The following NAALADL2 variants were observed in gnomAD, a reference collection of about 807,000 sequenced individuals.
NAALADL2 encodes the protein inactive N-acetylated-alpha-linked acidic dipeptidase-like protein 2.
NAALADL2 carries 76 observed loss-of-function variants against 87.2 expected under a neutral mutation model. The observed-to-expected ratio is 0.87, with a 90% CI of 0.72 to 1.05. NAALADL2 has a LOEUF of 1.05. NAALADL2 is among the 50% of genes least tolerant of loss of function. The pLI is 0.00. For synonymous variants in NAALADL2, 354 were observed against 331.0 expected, an observed-to-expected ratio of 1.07 and a Z score of -0.75; for missense variants, 1,089 against 945.8, an observed-to-expected ratio of 1.15 and a Z score of -1.99.
At chr3:175,538,645 G>A (rs917951501) in intron 9 of NAALADL2, among the ~76,000 whole-genome samples, 1 of 151,988 alleles carries the variant, frequency 6.6e-6, no homozygotes, top group African/African-American at 2.4e-5. Context: ...TCATATTTTT[G>A]ATATAATTTC....
chr3:175,184,160 C>A (rs1736998546), intron 2 of NAALADL2, among the ~76,000 whole-genome samples: 1 of 152,026 alleles, frequency 6.6e-6, no homozygotes, highest in Non-Finnish European at 1.5e-5. Flanking sequence ...TGCTTGTGTG[C>A]CCCATTTCCT....
At chr3:174,441,620 A>AGCCTGCGCCAGG (rs1432774277) in intron 1 of NAALADL2, among the ~76,000 whole-genome samples, 11 of 152,178 alleles carry the variant, frequency 7.2e-5, no homozygotes. Context: ...CTGGGATCAG[A>AGCCTGCGCCAGG]GCCTGCGCTG....
chr3:175,702,916 G>GA (rs998556667), intron 11 of NAALADL2, among the ~76,000 whole-genome samples: 32 of 145,562 alleles, frequency 2.2e-4, no homozygotes, highest in Non-Finnish European at 2.4e-4. Context: ...TTGAGGAAAA[G>GA]AAAAAAAAAA....
intron 10 of NAALADL2, among the ~76,000 whole-genome samples, chr3:175,589,024 G>A (rs1368247382): frequency 2.0e-5 from 3 of 152,060 alleles, no homozygotes; most frequent in East Asian, 3.9e-4. Context: ...AATATTTTAG[G>A]CAAAGAAACA....
At chr3:175,070,474 C>T (rs1715427026) in intron 1 of NAALADL2, among the ~76,000 whole-genome samples, 1 of 151,974 alleles carries the variant, frequency 6.6e-6, no homozygotes. Context: ...GATAAGCCTT[C>T]CTAATCTTCT....
chr3:175,402,411 A>G (rs1472557155), intron 5 of NAALADL2, among the ~76,000 whole-genome samples: 1 of 151,884 alleles, frequency 6.6e-6, no homozygotes, highest in Non-Finnish European at 1.5e-5. Context: ...TCCTTTCTAA[A>G]ATTGCTTTTA....
intron 1 of NAALADL2, among the ~76,000 whole-genome samples, chr3:174,481,572 G>A (rs546274055): frequency 6.6e-5 from 10 of 152,188 alleles, no homozygotes; most frequent in African/African-American, 1.7e-4. Context: ...TGATGCCTGC[G>A]TTGGGGGCCC....
Position 175,556,315 on chromosome 3 carries a change from A to G in NAALADL2, c.1654-19726A>G, listed in dbSNP as rs1447966973. On this transcript the variant is annotated intron_variant, in intron 9 of 13. Coordinates refer to ENST00000454872, the MANE Select transcript of NAALADL2 (RefSeq NM_207015.3). The stretch of plus-strand genomic sequence containing the variant: ...CTGGAGCCTCTACTACCTGCTGTTT[A>G]TGATTATTAGCAATTTTTTATCTAT... 2.0e-5 allele frequency among the ~76,000 whole-genome samples: 3 copies of G among 152,192 alleles called. No homozygotes were observed. In the South Asian group the frequency reaches 6.2e-4, roughly 31 times the overall value.
intron 1 of NAALADL2, among the ~76,000 whole-genome samples, chr3:174,945,644 A>G (rs1306487713): frequency 6.6e-6 from 1 of 152,182 alleles, no homozygotes; most frequent in African/African-American, 2.4e-5. Flanking sequence ...GCTTGGTTCT[A>G]TAAGTAATTG....
intron 3 of NAALADL2, among the ~76,000 whole-genome samples, chr3:174,837,766 C>T (rs1723511866): frequency 6.6e-6 from 1 of 151,960 alleles, no homozygotes; most frequent in Non-Finnish European, 1.5e-5. Flanking sequence ...TGCACTGCAG[C>T]CTGGGTGATA....
At chr3:174,695,511 A>C (rs1728942783) in intron 2 of NAALADL2, among the ~76,000 whole-genome samples, 1 of 152,048 alleles carries the variant, frequency 6.6e-6, no homozygotes, top group Non-Finnish European at 1.5e-5. Context: ...TTTCCCAACA[A>C]GGATGTCAAA....
At chr3:174,979,151 T>C (rs1337445935) in intron 1 of NAALADL2, among the ~76,000 whole-genome samples, 2 of 152,036 alleles carry the variant, frequency 1.3e-5, no homozygotes, top group Non-Finnish European at 2.9e-5. Context: ...CTTAACCTTT[T>C]CTTGTAGTTC....
intron 1 of NAALADL2, among the ~76,000 whole-genome samples, chr3:174,519,964 C>CCA (rs991124844): frequency 1.3e-5 from 2 of 151,950 alleles, no homozygotes; most frequent in African/African-American, 4.8e-5. Flanking sequence ...TTTACAGTAG[C>CCA]CACACACACA....
At chr3:174,477,540 G>A (rs189979413) in intron 1 of NAALADL2, among the ~76,000 whole-genome samples, 2 of 152,264 alleles carry the variant, frequency 1.3e-5, no homozygotes, top group Admixed American at 6.5e-5. Flanking sequence ...AAGGGGCAGT[G>A]ATTTGCATTA....
At chr3:174,511,808 GTC>G (rs1218860580) in intron 1 of NAALADL2, among the ~76,000 whole-genome samples, 5 of 151,328 alleles carry the variant, frequency 3.3e-5, no homozygotes, top group Non-Finnish European at 5.9e-5. Flanking sequence ...CAGCATGTGC[GTC>G]TTTTTGTTTA....
chr3:175,529,341 C>T (rs1733808269), intron 9 of NAALADL2, among the ~76,000 whole-genome samples: 1 of 152,140 alleles, frequency 6.6e-6, no homozygotes, highest in Non-Finnish European at 1.5e-5. Context: ...CTGGTGGCAG[C>T]ATTCCTCCCT....
chr3:175,176,032 G>T (rs1297879496), intron 2 of NAALADL2, among the ~76,000 whole-genome samples: 3 of 152,006 alleles, frequency 2.0e-5, no homozygotes, highest in Non-Finnish European at 4.4e-5. Flanking sequence ...CTATTTTGAT[G>T]GTATAAGAGA....
chr3:175,692,428 G>GCCCTCACCCATTGTGT (rs1338312670), intron 11 of NAALADL2, among the ~76,000 whole-genome samples: 1 of 151,984 alleles, frequency 6.6e-6, no homozygotes, highest in African/African-American at 2.4e-5. Flanking sequence ...ATTCATTCTA[G>GCCCTCACCCATTGTGT]CCCTCACCCA....
intron 2 of NAALADL2, among the ~76,000 whole-genome samples, chr3:175,181,745 GTA>G (rs1209330891): frequency 5.0e-5 from 2 of 39,686 alleles, no homozygotes; most frequent in East Asian, 2.0e-3. Context: ...GTGTATATAT[GTA>G]TATATATGTG....
Sources: gnomAD v4.1 joint callset for allele counts (sites outside exome capture counted in the v4.1 genomes callset) on GRCh38, gnomAD v4.1.1 for gene constraint, MANE v1.5 for transcripts, NCBI Gene and HGNC (gene_info 2026-07-23, HGNC 2026-07-21) for gene names.